The following PIP5K1C variants were observed in gnomAD, a reference collection of about 807,000 sequenced individuals.
PIP5K1C encodes the protein phosphatidylinositol-4-phosphate 5-kinase type 1 gamma.
A neutral mutation model predicts 80.1 loss-of-function variants in PIP5K1C; 45 were observed. That is an observed-to-expected ratio of 0.56 (90% CI 0.44 to 0.72). PIP5K1C has a LOEUF of 0.72. PIP5K1C is among the 30% of genes least tolerant of loss of function. The pLI is 0.00. For missense variants in PIP5K1C, 753 were observed against 954.6 expected (o/e 0.79, Z 2.78); for synonymous variants, 498 against 420.1 (o/e 1.19, Z -2.27).
intron 1 of PIP5K1C, among the ~76,000 whole-genome samples, chr19:3,680,336 GCT>G: frequency 6.6e-6 from 1 of 152,286 alleles, no homozygotes; most frequent in African/African-American, 2.4e-5. Flanking sequence ...ACGGAGTCCT[GCT>G]CTGTCGCCCA....
chr19:3,667,761 G>A (rs1015197459), intron 1 of PIP5K1C, among the ~76,000 whole-genome samples: 1 of 152,232 alleles, frequency 6.6e-6, no homozygotes, highest in African/African-American at 2.4e-5. Context: ...GAGGTTCTGG[G>A]CAGTCAACAA....
intron 1 of PIP5K1C, among the ~76,000 whole-genome samples, chr19:3,676,978 T>G (rs573294530): frequency 2.6e-5 from 4 of 152,018 alleles, no homozygotes; most frequent in Non-Finnish European, 2.9e-5. Context: ...GGTGCACACC[T>G]GTATTTCTAG....
chr19:3,644,074 C>A lies in PIP5K1C; in HGVS notation c.1510+13G>T. 3 of 1,610,138 alleles carry A rather than the reference C, an allele frequency of 1.9e-6. No homozygotes were observed. The highest frequency in any genetic ancestry group is 2.5e-6 in the Non-Finnish European group (3 of 1,179,798). ...GTAGCGCCCACAAGCGCACTCTGCC[C>A]TCTGCCCCTCACCTTCGTCCTCCAG... On this transcript the variant is annotated intron_variant, in intron 12 of 17. Coordinates refer to ENST00000335312, the MANE Select transcript of PIP5K1C (RefSeq NM_012398.3).
intron 1 of PIP5K1C, among the ~76,000 whole-genome samples, chr19:3,683,768 CGGAGGCCCCGG>C (rs564397310): frequency 4.8e-4 from 73 of 152,248 alleles, no homozygotes; most frequent in Non-Finnish European, 7.5e-4. Flanking sequence ...ACAGCCAGTA[CGGAGGCCCCGG>C]GGCAGGACCG....
chr19:3,668,532 T>C (rs1195959704), intron 1 of PIP5K1C: 1 of 151,546 alleles, frequency 6.6e-6, no homozygotes, highest in Non-Finnish European at 1.5e-5. Flanking sequence ...CTGCAGCTTG[T>C]GCTGGGCCCA....
chr19:3,639,177 G>A (rs867984138), intron 15 of PIP5K1C, among the ~76,000 whole-genome samples, 161 bp from the exon 16 acceptor site: 4 of 152,170 alleles, frequency 2.6e-5, no homozygotes, highest in Admixed American at 2.0e-4. Context: ...GCCATTTATC[G>A]CAAATCAGAA....
rs564969115 is a variant in PIP5K1C at position 3,692,715 on chromosome 19, C to T, written c.94+7582G>A. 1.3e-3 allele frequency among the ~76,000 whole-genome samples: 201 copies of T among 152,088 alleles called. 1 individual carries two copies. The highest frequency in any genetic ancestry group is 3.4e-3 in the Middle Eastern group (1 of 294). The stretch of plus-strand genomic sequence containing the variant: ...GGGGTGCCTGTGAGCTCCTGAGTCT[C>T]GCCCATCCCTCCTCTGCCCGCAGCC... On this transcript the variant is annotated intron_variant, in intron 1 of 17. Coordinates refer to ENST00000335312, the MANE Select transcript of PIP5K1C (RefSeq NM_012398.3). The surrounding 1 kb of genome is among the most constrained non-coding windows in gnomAD (Gnocchi z 5.2).
Position 3,688,293 on chromosome 19 carries a change from C to T in PIP5K1C, c.94+12004G>A, listed in dbSNP as rs553068588. On this transcript the variant is annotated intron_variant, in intron 1 of 17. Coordinates refer to ENST00000335312, the MANE Select transcript of PIP5K1C (RefSeq NM_012398.3). This position sits in a 1 kb window ranked among gnomAD's most constrained non-coding sequence, Gnocchi z 5.3. ...AGTACAGTGTCCCTGAAGGGAATTC[C>T]TTCCAGAGCCTGAGGTTAGGCCGTG... 5.9e-5 allele frequency among the ~76,000 whole-genome samples: 9 copies of T among 152,336 alleles called. No homozygotes were observed. The highest frequency in any genetic ancestry group is 2.2e-4 in the African/African-American group (9 of 41,588).
In PIP5K1C at chr19:3,633,424, G is replaced by T. The variant is rs538357116; in HGVS notation, c.2004+13C>A. 4.7e-5 allele frequency: 70 copies of T among 1,474,220 alleles called. No individual in the cohort carries two copies. The East Asian group carries it at 1.7e-3, about 35-fold the overall frequency. 91.3% of individuals were successfully genotyped at this position (1,474,220 alleles called of 1,614,324 possible). On this transcript the variant is annotated intron_variant, in intron 17 of 17. Coordinates refer to ENST00000335312, the MANE Select transcript of PIP5K1C (RefSeq NM_012398.3). ...GCCCACGGGACCGGCGGGTGCACCT[G>T]GGCTGCACTTACTGTGTCGCTCTCG... is the stretch of plus-strand genomic sequence containing the variant.
intron 3 of PIP5K1C, among the ~76,000 whole-genome samples, chr19:3,663,158 G>A (rs771866248): frequency 2.2e-4 from 33 of 152,240 alleles, no homozygotes; most frequent in Admixed American, 7.2e-4. Context: ...GAGCCTCCGC[G>A]CCCGGCCGGC....
At chr19:3,678,716 AGGGATGGC>A (rs1188792953) in intron 1 of PIP5K1C, among the ~76,000 whole-genome samples, 1 of 95,242 alleles carries the variant, frequency 1.0e-5, no homozygotes, top group East Asian at 3.8e-4. Context: ...GGAGGGATGG[AGGGATGGC>A]GGGATGGCAG....
chr19:3,653,612 C>G, intron 6 of PIP5K1C, 23 bp from the exon 7 acceptor site: 1 of 1,594,902 alleles, frequency 6.3e-7, no homozygotes, highest in Non-Finnish European at 8.6e-7. Flanking sequence ...GAGGGCAAGT[C>G]GTGGAGGGCG....
intron 15 of PIP5K1C, among the ~76,000 whole-genome samples, chr19:3,640,628 C>T (rs1017238798): frequency 2.6e-5 from 4 of 151,658 alleles, no homozygotes; most frequent in African/African-American, 9.7e-5. Context: ...TTCTTCAATA[C>T]AAAAATCAAT....
rs535765877 is a variant in PIP5K1C at position 3,685,471 on chromosome 19, C to T, written c.94+14826G>A. ...TTGGGCCAGGCACGGTGGCTCATGC[C>T]TGTAATCCCAGCACTTTGGGAGGCC... On this transcript the variant is annotated intron_variant, in intron 1 of 17. Coordinates refer to ENST00000335312, the MANE Select transcript of PIP5K1C (RefSeq NM_012398.3). Among the ~76,000 whole-genome samples, 3 of 152,294 alleles carry T rather than the reference C, an allele frequency of 2.0e-5. No homozygotes were observed. The South Asian group carries it at 6.2e-4, about 32-fold the overall frequency.
At chr19:3,661,442 G>T (rs1025070067) in intron 4 of PIP5K1C, among the ~76,000 whole-genome samples, 4 of 152,344 alleles carry the variant, frequency 2.6e-5, no homozygotes, top group East Asian at 1.9e-4. Flanking sequence ...AAGGGCTGTT[G>T]TTCTCCTTCT....
chr19:3,688,512 C>T lies in PIP5K1C; in HGVS notation c.94+11785G>A, dbSNP rs751454848. Among the ~76,000 whole-genome samples, 1 of 152,164 alleles carries T rather than the reference C, an allele frequency of 6.6e-6. No homozygotes were observed. Among genetic ancestry groups the T allele is most frequent in the Admixed American group, 6.5e-5 (1 of 15,286 alleles). ...GGCAGCTCCGGTGAGGCCACCCTCG[C>T]CCCCTGGTTTCAACTCCTGCTGTGA... is the stretch of plus-strand genomic sequence containing the variant. On this transcript the variant is annotated intron_variant, in intron 1 of 17. Coordinates refer to ENST00000335312, the MANE Select transcript of PIP5K1C (RefSeq NM_012398.3). The surrounding 1 kb of genome is among the most constrained non-coding windows in gnomAD (Gnocchi z 5.3).
chr19:3,650,006 G>A (rs1042100352), intron 8 of PIP5K1C: 2 of 181,138 alleles, frequency 1.1e-5, no homozygotes, highest in African/African-American at 2.4e-5. Flanking sequence ...CTGCTCCCCC[G>A]CCAGGCCAGC....
chr19:3,666,806 C>T (rs755200571), intron 2 of PIP5K1C, among the ~76,000 whole-genome samples: 16 of 151,798 alleles, frequency 1.1e-4, no homozygotes, highest in Non-Finnish European at 1.5e-4. Context: ...CGTGCACACA[C>T]GCACGCAGGC....
intron 1 of PIP5K1C, among the ~76,000 whole-genome samples, chr19:3,680,407 C>A (rs903879892): frequency 6.6e-6 from 1 of 152,200 alleles, no homozygotes; most frequent in African/African-American, 2.4e-5. Flanking sequence ...CAGGTTCATA[C>A]GATTCTCCCG....
Sources: allele counts gnomAD v4.1 joint callset (sites outside exome capture counted in the v4.1 genomes callset), GRCh38; gene constraint gnomAD v4.1.1; non-coding constraint Gnocchi (gnomAD v3.1); transcripts MANE v1.5; gene names NCBI Gene and HGNC (gene_info 2026-07-23, HGNC 2026-07-21).